Variants in PDE1C observed in about 807,000 individuals in gnomAD.
PDE1C encodes the protein dual specificity calcium/calmodulin-dependent 3',5'-cyclic nucleotide phosphodiesterase 1C.
In PDE1C, 62 loss-of-function variants were observed where a neutral mutation model predicts 93.1. That is an observed-to-expected ratio of 0.67 (90% CI 0.54 to 0.82). PDE1C has a LOEUF of 0.82. PDE1C is among the 40% of genes least tolerant of loss of function. The pLI is 0.00. For missense variants in PDE1C, 742 were observed against 884.6 expected, an observed-to-expected ratio of 0.84 and a Z score of 2.04; for synonymous variants, 325 against 310.1, an observed-to-expected ratio of 1.05 and a Z score of -0.50.
At chr7:31,684,437 A>G in the PDE1C span, among the ~76,000 whole-genome samples, 1 of 152,362 alleles carries the variant, frequency 6.6e-6, no homozygotes, top group Non-Finnish European at 1.5e-5. Flanking sequence ...AAAAATTTAA[A>G]AGCTATGCTT....
At chr7:31,638,985 C>T in the PDE1C span, among the ~76,000 whole-genome samples, 1 of 152,126 alleles carries the variant, frequency 6.6e-6, no homozygotes, top group African/African-American at 2.4e-5. Flanking sequence ...CCATGTTGGC[C>T]AGGCTGGTCT....
At chr7:31,838,308 G>T (rs1314787716) in intron 9 of PDE1C, among the ~76,000 whole-genome samples, 7 of 152,120 alleles carry the variant, frequency 4.6e-5, no homozygotes, top group African/African-American at 1.4e-4. Flanking sequence ...AATAATCCTT[G>T]GAGGTAAATT....
In PDE1C at chr7:32,084,744, G is replaced by T. The variant is rs1457556187; in HGVS notation, c.308+85041C>A. On this transcript the variant is annotated intron_variant, in intron 3 of 18. Coordinates refer to the PDE1C transcript ENST00000396193. ...CATGGAAACTGAACAACCTGCTCCT[G>T]AATGACTACTGGGTACACAATGAAA... Among the ~76,000 whole-genome samples, 26 of 126,496 alleles carry T rather than the reference G, an allele frequency of 2.1e-4. 2 individuals carry two copies. The highest frequency in any genetic ancestry group is 6.5e-4 in the African/African-American group (23 of 35,554). 83.0% of individuals were successfully genotyped at this position (126,496 alleles called of 152,430 possible).
At chr7:31,796,301 A>C (rs1292369168) in intron 16 of PDE1C, among the ~76,000 whole-genome samples, 1 of 151,566 alleles carries the variant, frequency 6.6e-6, no homozygotes, top group Admixed American at 6.6e-5. Flanking sequence ...GTGTACATAT[A>C]TATGTGTATG....
intron 1 of PDE1C, among the ~76,000 whole-genome samples, chr7:32,395,524 C>G (rs763332600): frequency 6.6e-6 from 1 of 152,044 alleles, no homozygotes; most frequent in Non-Finnish European, 1.5e-5. Context: ...TGGACAGGTG[C>G]GCAGAAGCCA....
intron 3 of PDE1C, among the ~76,000 whole-genome samples, chr7:32,159,314 A>G (rs1801766933): frequency 6.6e-6 from 1 of 152,242 alleles, no homozygotes; most frequent in Non-Finnish European, 1.5e-5. Context: ...CTAATGCTGT[A>G]AATAGGAACA....
chr7:32,376,180 G>A (rs1784429443), intron 1 of PDE1C, among the ~76,000 whole-genome samples: 1 of 151,738 alleles, frequency 6.6e-6, no homozygotes, highest in Non-Finnish European at 1.5e-5. Context: ...AAGAAAGAAA[G>A]AAAAATTCAC....
the PDE1C span, among the ~76,000 whole-genome samples, chr7:31,718,969 A>G: frequency 1.3e-5 from 2 of 152,208 alleles, no homozygotes; most frequent in African/African-American, 4.8e-5. Context: ...CTCAGTTACC[A>G]GCATGGGACT....
intron 16 of PDE1C, 112 bp downstream of exon 16, chr7:31,808,919 C>T: frequency 1.7e-6 from 1 of 599,514 alleles, no homozygotes; most frequent in Non-Finnish European, 3.0e-6. Context: ...GGGTTTTTTT[C>T]AGGATATAAG....
chr7:31,953,481 G>T (rs1807691744), intron 2 of PDE1C, among the ~76,000 whole-genome samples: 1 of 152,188 alleles, frequency 6.6e-6, no homozygotes, highest in African/African-American at 2.4e-5. Context: ...AGTAGAAATT[G>T]ATAACTGTCA....
intron 2 of PDE1C, among the ~76,000 whole-genome samples, chr7:32,177,721 C>A (rs1803107941): frequency 6.6e-6 from 1 of 152,228 alleles, no homozygotes; most frequent in South Asian, 2.1e-4. Flanking sequence ...CTGATCCCCC[C>A]TCTGCCCAGT....
chr7:32,373,790 C>T (rs984918546), intron 1 of PDE1C, among the ~76,000 whole-genome samples: 1 of 152,120 alleles, frequency 6.6e-6, no homozygotes, highest in African/African-American at 2.4e-5. Context: ...AAATTTGAGA[C>T]CAGCCTGGCC....
At chr7:32,402,136 T>G (rs1784956790) in intron 1 of PDE1C, among the ~76,000 whole-genome samples, 1 of 152,142 alleles carries the variant, frequency 6.6e-6, no homozygotes. Flanking sequence ...AACCCAGATC[T>G]GTCTGGCTCC....
the PDE1C span, chr7:31,653,243 A>G: frequency 1.7e-5 from 3 of 173,132 alleles, no homozygotes; most frequent in South Asian, 4.3e-4. Context: ...GGCCTTCAAC[A>G]TTTAGTGGGG....
chr7:31,973,781 C>T (rs186490366), intron 2 of PDE1C, among the ~76,000 whole-genome samples: 12 of 152,102 alleles, frequency 7.9e-5, no homozygotes, highest in East Asian at 7.7e-4. Context: ...ACTCTGGTTA[C>T]GGGGTCTACA....
intron 2 of PDE1C, among the ~76,000 whole-genome samples, chr7:32,041,524 G>T (rs1193069783): frequency 6.6e-6 from 1 of 152,210 alleles, no homozygotes; most frequent in Non-Finnish European, 1.5e-5. Flanking sequence ...TTCAGGCAGT[G>T]ACCTCACGAA....
chr7:31,873,516 G>C (rs1293208742), intron 5 of PDE1C, 108 bp from the exon 6 acceptor site: 7 of 690,462 alleles, frequency 1.0e-5, no homozygotes, highest in Non-Finnish European at 1.3e-5. Context: ...AGATTTCACA[G>C]TGTGACACTC....
chr7:32,393,177 T>TC (rs987392874), intron 1 of PDE1C, among the ~76,000 whole-genome samples: 3 of 151,686 alleles, frequency 2.0e-5, no homozygotes, highest in Non-Finnish European at 2.9e-5. Context: ...ATGAAAGATT[T>TC]CCCCCCTAAA....
At chr7:32,000,766 A>G (rs879474851) in intron 2 of PDE1C, among the ~76,000 whole-genome samples, 1 of 152,178 alleles carries the variant, frequency 6.6e-6, no homozygotes, top group Non-Finnish European at 1.5e-5. Context: ...GTACCCTGGA[A>G]CCAGAGCCCT....
Sources: gnomAD v4.1 joint callset for allele counts (sites outside exome capture counted in the v4.1 genomes callset) on GRCh38, gnomAD v4.1.1 for gene constraint, MANE v1.5 for transcripts, NCBI Gene and HGNC (gene_info 2026-07-23, HGNC 2026-07-21) for gene names.